Variants in APBA2 observed in about 807,000 individuals in gnomAD.
APBA2 encodes the protein amyloid beta precursor protein binding family A member 2, also known as amyloid-beta A4 precursor protein-binding family A member 2.
A neutral mutation model predicts 75.0 loss-of-function variants in APBA2; 30 were observed. The ratio of observed to expected loss-of-function variants is 0.40; its 90% CI spans 0.30 to 0.54. The LOEUF (loss-of-function observed/expected upper bound fraction) is 0.54, where lower values mean the gene tolerates loss of function less well. Among genes scored for constraint, APBA2 ranks in the 20% least tolerant of loss-of-function variants. The pLI, the probability that APBA2 is intolerant of heterozygous loss-of-function variation, is 0.49. For synonymous variants in APBA2, 444 were observed against 409.6 expected (o/e 1.08, Z -1.01); for missense variants, 801 against 1,016.1 (o/e 0.79, Z 2.88).
At chr15:29,113,097 G>C (rs902977765) in intron 13 of APBA2, among the ~76,000 whole-genome samples, 5 of 152,134 alleles carry the variant, frequency 3.3e-5, no homozygotes, top group African/African-American at 9.7e-5. Context: ...TTCTCCGCTA[G>C]TCCGTGCTGT....
chr15:28,886,015 G>A lies in APBA2; in HGVS notation c.-468G>A, dbSNP rs2031685670. Reference sequence around the variant, plus strand: ...GTGAGGCGGAAGCGGCCGGGGCGGGGGCGCAGGCCCGGCAGCCGCAGGCCG... The same window carrying A: ...GTGAGGCGGAAGCGGCCGGGGCGGGAGCGCAGGCCCGGCAGCCGCAGGCCG... On this transcript the variant is annotated 5_prime_UTR_variant, in exon 1 of 15. Coordinates refer to ENST00000683413, the MANE Select transcript of APBA2 (RefSeq NM_001353788.2). 2 of 149,926 alleles carry A rather than the reference G, an allele frequency of 1.3e-5. No individual in the cohort carries two copies. Among genetic ancestry groups the A allele is most frequent in the Non-Finnish European group, 3.0e-5 (2 of 67,300 alleles). The allele number at this position is 149,926 out of a possible 1,614,324, so 9.3% of individuals were successfully genotyped here.
intron 4 of APBA2, chr15:29,070,941 G>A: frequency 2.6e-6 from 1 of 390,260 alleles, no homozygotes. Flanking sequence ...TCTGTCACAG[G>A]GTTACGTTTG....
intron 2 of APBA2, among the ~76,000 whole-genome samples, chr15:28,971,619 G>A (rs1463481339): frequency 6.6e-6 from 1 of 152,192 alleles, no homozygotes; most frequent in Non-Finnish European, 1.5e-5. Context: ...GGGAAGAGAA[G>A]AATTAGCTGA....
chr15:28,933,369 T>A (rs894186151), intron 2 of APBA2, among the ~76,000 whole-genome samples: 22 of 152,086 alleles, frequency 1.4e-4, no homozygotes, highest in Non-Finnish European at 3.2e-4. Flanking sequence ...GAAGCTGCCG[T>A]CTCTGAGCCA....
intron 11 of APBA2, 71 bp from the exon 12 acceptor site, chr15:29,106,536 C>T: frequency 3.9e-6 from 6 of 1,544,380 alleles, no homozygotes; most frequent in Non-Finnish European, 5.3e-6. Context: ...CAGCCTCATC[C>T]TCCTGTGGGT....
intron 2 of APBA2, among the ~76,000 whole-genome samples, chr15:28,953,524 T>C (rs1274894144): frequency 6.6e-6 from 1 of 152,136 alleles, no homozygotes; most frequent in Non-Finnish European, 1.5e-5. Context: ...TTCTCTCTTA[T>C]ACCCGCTCCA....
chr15:28,979,447 G>A (rs905070466), intron 2 of APBA2, among the ~76,000 whole-genome samples: 2 of 152,236 alleles, frequency 1.3e-5, no homozygotes, highest in African/African-American at 4.8e-5. Flanking sequence ...TCTGCTGCCT[G>A]CCTGTCTGGG....
chr15:28,978,176 G>C (rs1158347776), intron 2 of APBA2, among the ~76,000 whole-genome samples: 2 of 152,188 alleles, frequency 1.3e-5, no homozygotes, highest in Middle Eastern at 6.3e-3. Flanking sequence ...TCCCTCTTGG[G>C]CGTTTGCCAA....
At chr15:28,932,549 C>T (rs1281161677) in intron 2 of APBA2, among the ~76,000 whole-genome samples, 44 of 152,200 alleles carry the variant, frequency 2.9e-4, no homozygotes, top group Non-Finnish European at 8.8e-5. Flanking sequence ...TAGCCTCCTG[C>T]AAAGCCTGTG....
At chr15:29,055,434 G>A (rs768184109) in intron 4 of APBA2, among the ~76,000 whole-genome samples, 29 of 152,188 alleles carry the variant, frequency 1.9e-4, no homozygotes, top group Non-Finnish European at 3.4e-4. Context: ...GCTAATGAGG[G>A]CAGTGGATGT....
intron 3 of APBA2, among the ~76,000 whole-genome samples, chr15:29,045,653 G>GT (rs893279610): frequency 2.0e-4 from 30 of 152,290 alleles, no homozygotes; most frequent in Middle Eastern, 6.8e-3. Context: ...ATGGATTTGT[G>GT]TTTACAGTAA....
At chr15:28,960,694 C>T (rs1445201299) in intron 2 of APBA2, among the ~76,000 whole-genome samples, 1 of 151,402 alleles carries the variant, frequency 6.6e-6, no homozygotes, top group Non-Finnish European at 1.5e-5. Flanking sequence ...CACGTCAGAG[C>T]CAACCTATCA....
At chr15:29,034,437 A>G (rs1483656723) in intron 3 of APBA2, among the ~76,000 whole-genome samples, 2 of 152,216 alleles carry the variant, frequency 1.3e-5, no homozygotes, top group Non-Finnish European at 2.9e-5. Context: ...CCAAGGTACC[A>G]GAAGGCCAGC....
At chr15:29,021,551 C>T (rs1050201897) in intron 3 of APBA2, among the ~76,000 whole-genome samples, 17 of 152,100 alleles carry the variant, frequency 1.1e-4, no homozygotes, top group Non-Finnish European at 1.9e-4. Flanking sequence ...CGAAGCCAAC[C>T]CCCATGAAAC....
intron 1 of APBA2, among the ~76,000 whole-genome samples, chr15:28,916,579 C>G (rs1264705100): frequency 6.6e-6 from 1 of 152,220 alleles, no homozygotes; most frequent in Non-Finnish European, 1.5e-5. Flanking sequence ...GGGGTTTCCC[C>G]TTTCTGTGTG....
At chr15:29,056,162 C>T (rs1047183580) in intron 4 of APBA2, among the ~76,000 whole-genome samples, 3 of 152,288 alleles carry the variant, frequency 2.0e-5, no homozygotes, top group Non-Finnish European at 4.4e-5. Context: ...ATCTTTAGAG[C>T]GTGGTGGGGA....
At chr15:28,964,746 C>T (rs547594195) in intron 2 of APBA2, among the ~76,000 whole-genome samples, 7 of 152,150 alleles carry the variant, frequency 4.6e-5, no homozygotes, top group East Asian at 1.9e-4. Context: ...CCTCGGCCTC[C>T]GAAAGTGCTG....
intron 6 of APBA2, among the ~76,000 whole-genome samples, chr15:29,085,239 G>C (rs2043235626): frequency 6.6e-6 from 1 of 152,040 alleles, no homozygotes; most frequent in Admixed American, 6.6e-5. Context: ...AAAAATTAAT[G>C]AGTTGGCTGG....
At chr15:28,986,967 A>G (rs1187725338) in intron 2 of APBA2, among the ~76,000 whole-genome samples, 3 of 152,202 alleles carry the variant, frequency 2.0e-5, no homozygotes, top group Non-Finnish European at 2.9e-5. Flanking sequence ...ATAGAAGGCC[A>G]TCTTCTCACT....
Sources: allele counts gnomAD v4.1 joint callset (sites outside exome capture counted in the v4.1 genomes callset), GRCh38; gene constraint gnomAD v4.1.1; transcripts MANE v1.5; gene names NCBI Gene and HGNC (gene_info 2026-07-23, HGNC 2026-07-21).